The following KIAA0513 variants were observed in gnomAD, a reference collection of about 807,000 sequenced individuals.
The protein encoded by KIAA0513 is uncharacterized protein KIAA0513.
In KIAA0513, 39 loss-of-function variants were observed where a neutral mutation model predicts 56.5. That is an observed-to-expected ratio of 0.69 (90% CI 0.53 to 0.90). The LOEUF (loss-of-function observed/expected upper bound fraction) is 0.90. Ranked by LOEUF, KIAA0513 falls within the 40% of genes least tolerant of loss-of-function variation. KIAA0513 has a pLI of 0.00. For synonymous variants in KIAA0513, 268 were observed against 215.6 expected, an observed-to-expected ratio of 1.24 and a Z score of -2.13; for missense variants, 591 against 535.2, an observed-to-expected ratio of 1.10 and a Z score of -1.03.
Position 85,081,717 on chromosome 16 carries a change from C to G in KIAA0513, c.980+325C>G, listed in dbSNP as rs2073746900. ...CTGTTTGCTGGACAAAATCAGCATC[C>G]TGAGGATGAACGCTTGGAGCAGGGT... On this transcript the variant is annotated intron_variant, in intron 9 of 12. Transcript: ENST00000683363. This position sits in a 1 kb window ranked among gnomAD's most constrained non-coding sequence, Gnocchi z 4.4. 6.6e-6 allele frequency among the ~76,000 whole-genome samples: 1 copy of G among 152,208 alleles called. No homozygotes were observed. Among genetic ancestry groups the G allele is most frequent in the South Asian group, 2.1e-4 (1 of 4,830 alleles).
chr16:85,078,812 G>A (rs1425468439), intron 7 of KIAA0513, 113 bp from the exon 8 acceptor site: 33 of 1,142,944 alleles, frequency 2.9e-5, no homozygotes, highest in Non-Finnish European at 4.1e-5. Flanking sequence ...TTTGCATCAC[G>A]TGTTTCAGTG....
chr16:85,072,073 C>T (rs150124732), intron 3 of KIAA0513, among the ~76,000 whole-genome samples, 191 bp downstream of exon 3: 1 of 152,152 alleles, frequency 6.6e-6, no homozygotes, highest in East Asian at 1.9e-4. Flanking sequence ...AAGAAACAGT[C>T]TGGGCACAGT....
At chr16:85,082,428 A>T in intron 9 of KIAA0513, 136 bp from the exon 10 acceptor site, 1 of 800,092 alleles carries the variant, frequency 1.2e-6, no homozygotes, top group South Asian at 1.7e-5. Flanking sequence ...ATTTATTTCG[A>T]ATATTCCTGT....
At chr16:85,028,310 G>A (rs2072917003) in intron 1 of KIAA0513, among the ~76,000 whole-genome samples, 1 of 152,164 alleles carries the variant, frequency 6.6e-6, no homozygotes, top group South Asian at 2.1e-4. Context: ...CAAGGACCCC[G>A]GGGGAAAGAC....
rs141181667 is a variant in KIAA0513, at chr16:85,067,313, A to G, written c.242A>G (p.Asn81Ser). ...RSSSNESFSSNQSTESTQDEE... is the reference protein window; with the variant it reads ...RSSSNESFSSSQSTESTQDEE... ...TCCTCCAACGAGTCCTTCTCCTCCA[A>G]CCAGAGCACCGAGTCTACCCAGGAT... is the stretch of plus-strand genomic sequence containing the variant. The change falls in exon 2 of 13, where the codon AAC (asparagine) becomes AGC (serine). Residue 81 changes from asparagine to serine, a missense_variant. By Grantham distance (46) the Asn-to-Ser change is conservative. Coordinates refer to ENST00000683363, the MANE Select transcript of KIAA0513 (RefSeq NM_001388359.1). The G allele has an allele frequency of 3.1e-6, 5 of 1,611,580 alleles. No homozygotes were observed. The highest frequency in any genetic ancestry group is 4.2e-6 in the Non-Finnish European group (5 of 1,179,614).
At chr16:85,052,057 C>T (rs1031479229) in intron 1 of KIAA0513, among the ~76,000 whole-genome samples, 7 of 152,094 alleles carry the variant, frequency 4.6e-5, no homozygotes, top group African/African-American at 1.7e-4. Context: ...CGCAGTGGCT[C>T]ACGCCTGTAA....
At chr16:85,038,931 AC>A (rs1359272900) in intron 1 of KIAA0513, among the ~76,000 whole-genome samples, 1 of 152,204 alleles carries the variant, frequency 6.6e-6, no homozygotes, top group East Asian at 1.9e-4. Flanking sequence ...GCCAGCGGCT[AC>A]CACAGTGGGT....
intron 2 of KIAA0513, among the ~76,000 whole-genome samples, chr16:85,070,251 C>A (rs933439468): frequency 3.9e-5 from 6 of 152,028 alleles, no homozygotes; most frequent in Non-Finnish European, 8.8e-5. Context: ...TTGAGTCCCG[C>A]ATGTGTAAAC....
At chr16:85,030,927 C>T (rs539746368) in intron 1 of KIAA0513, among the ~76,000 whole-genome samples, 2 of 152,066 alleles carry the variant, frequency 1.3e-5, no homozygotes, top group Non-Finnish European at 2.9e-5. Flanking sequence ...AAGGCAATCC[C>T]CAGCACACGA....
chr16:85,063,888 C>T (rs2073441234), intron 1 of KIAA0513, among the ~76,000 whole-genome samples: 3 of 151,806 alleles, frequency 2.0e-5, no homozygotes, highest in South Asian at 4.2e-4. Flanking sequence ...CTTGGCTGAC[C>T]GAAGAATATT....
At chr16:85,074,293 C>CAT (rs1175226273) in intron 4 of KIAA0513, among the ~76,000 whole-genome samples, 64 of 150,886 alleles carry the variant, frequency 4.2e-4, no homozygotes, top group East Asian at 1.6e-3. Flanking sequence ...TTTATATATA[C>CAT]ATATATATAT....
intron 4 of KIAA0513, among the ~76,000 whole-genome samples, 189 bp from the exon 5 acceptor site, chr16:85,075,655 G>C (rs1435293327): frequency 1.3e-5 from 2 of 152,238 alleles, no homozygotes; most frequent in Non-Finnish European, 2.9e-5. Flanking sequence ...TTCCCGTTCA[G>C]AATCAGTCCC....
chr16:85,086,949 C>A, intron 11 of KIAA0513, 123 bp from the exon 12 acceptor site: 2 of 948,964 alleles, frequency 2.1e-6, no homozygotes, highest in South Asian at 1.6e-5. Context: ...GGCAGCAGTG[C>A]GTTTTAGTTT....
chr16:85,083,971 G>T (rs2073777815), intron 10 of KIAA0513, among the ~76,000 whole-genome samples: 1 of 151,930 alleles, frequency 6.6e-6, no homozygotes, highest in African/African-American at 2.4e-5. Flanking sequence ...GTCCCGTCCA[G>T]ATTCCCACTG....
chr16:85,075,437 C>A (rs1297143384), intron 4 of KIAA0513, among the ~76,000 whole-genome samples: 3 of 152,180 alleles, frequency 2.0e-5, no homozygotes, highest in Admixed American at 1.3e-4. Context: ...GCCTGAGAGC[C>A]AGGGATGCGG....
intron 1 of KIAA0513, among the ~76,000 whole-genome samples, chr16:85,038,385 A>T (rs1166143750): frequency 6.6e-6 from 1 of 152,192 alleles, no homozygotes; most frequent in African/African-American, 2.4e-5. Context: ...GCCACATTAA[A>T]CAAGTAAGGG....
rs142474356 is a variant in KIAA0513, at chr16:85,078,417, A to G, written c.785A>G (p.Glu262Gly). 2.7e-5 allele frequency: 44 copies of G among 1,613,878 alleles called. No individual in the cohort carries two copies. The highest frequency in any genetic ancestry group is 3.3e-5 in the Non-Finnish European group (39 of 1,180,010). The change falls in exon 7 of 13, where the codon GAA becomes GGA. Residue 262 changes from glutamate (E) to glycine (G), a missense_variant and splice_region_variant. Transcript: ENST00000683363. ...LKGPLARRNEEDENKPQEKRP... is the reference protein window; with the variant it reads ...LKGPLARRNEGDENKPQEKRP... The stretch of plus-strand genomic sequence containing the variant: ...TCATTGTGCCTTCTCTCCCTCAGGG[A>G]AGACGAGAACAAACCCCAGGAGAAG...
At chr16:85,034,507 G>A (rs902096503) in intron 1 of KIAA0513, among the ~76,000 whole-genome samples, 3 of 152,044 alleles carry the variant, frequency 2.0e-5, no homozygotes, top group East Asian at 1.9e-4. Flanking sequence ...GTGGGGAAAG[G>A]GCTTTTATTT....
intron 1 of KIAA0513, among the ~76,000 whole-genome samples, chr16:85,049,412 C>T (rs572979678): frequency 2.0e-5 from 3 of 152,324 alleles, no homozygotes; most frequent in East Asian, 1.9e-4. Context: ...GGTTCTGATA[C>T]GGTTTGGTTC....
Sources: allele counts gnomAD v4.1 joint callset (sites outside exome capture counted in the v4.1 genomes callset), GRCh38; gene constraint gnomAD v4.1.1; non-coding constraint Gnocchi (gnomAD v3.1); transcripts MANE v1.5; gene names NCBI Gene and HGNC (gene_info 2026-07-23, HGNC 2026-07-21).